GANC: variants seen among roughly 807,000 people sequenced by gnomAD.
GANC encodes neutral alpha-glucosidase C.
A neutral mutation model predicts 124.2 loss-of-function variants in GANC; 117 were observed. The observed-to-expected ratio is 0.94, with a 90% CI of 0.81 to 1.10. The LOEUF is 1.10. GANC is among the 50% of genes least tolerant of loss of function. The probability of loss-of-function intolerance (pLI) is 0.00; values close to 1 mark genes in which losing one functional copy is unlikely to be tolerated. For missense variants in GANC, 1,140 were observed against 1,095.0 expected, an observed-to-expected ratio of 1.04 and a Z score of -0.58; for synonymous variants, 377 against 376.8, an observed-to-expected ratio of 1.00 and a Z score of -0.01.
chr15:42,295,011 A>G (rs796380652), intron 5 of GANC, among the ~76,000 whole-genome samples: 23 of 135,840 alleles, frequency 1.7e-4, no homozygotes, highest in African/African-American at 6.8e-4. Context: ...TCGCTCTGTC[A>G]CCCAGGCTGG....
At chr15:42,286,085 G>A (rs1445344032) in intron 3 of GANC, among the ~76,000 whole-genome samples, 1 of 151,222 alleles carries the variant, frequency 6.6e-6, no homozygotes, top group African/African-American at 2.4e-5. Context: ...AATGTAAATT[G>A]TTAATCATAT....
intron 3 of GANC, among the ~76,000 whole-genome samples, chr15:42,279,344 A>G (rs374345040): frequency 2.0e-5 from 3 of 152,142 alleles, no homozygotes; most frequent in East Asian, 3.9e-4. Context: ...GCAAGGTACA[A>G]ATTCAGGGTA....
rs1303329651 is a variant in GANC, at chr15:42,273,369, C to A, written c.-1113C>A. 1.2e-6 allele frequency: 2 copies of A among 1,614,124 alleles called. No homozygotes were observed. Among genetic ancestry groups the A allele is most frequent in the Middle Eastern group, 1.6e-4 (1 of 6,062 alleles). On this transcript the variant is annotated 5_prime_UTR_variant, in exon 1 of 24. Transcript: ENST00000318010. ...CTCCCAGAAGCAGAAGAATGACAGG[C>A]AACACCTGAAGCCACGCAGCCGCCG...
At chr15:42,345,860 AC>A in intron 20 of GANC, 28 bp downstream of exon 20, 3 of 1,494,208 alleles carry the variant, frequency 2.0e-6, no homozygotes, top group Non-Finnish European at 2.8e-6. Flanking sequence ...TACTATTTTT[AC>A]CTATCATGCT....
intron 3 of GANC, among the ~76,000 whole-genome samples, chr15:42,279,370 A>G (rs2051708914): frequency 6.6e-6 from 1 of 152,228 alleles, no homozygotes; most frequent in Non-Finnish European, 1.5e-5. Flanking sequence ...AAATCTCAAA[A>G]TGCAGGTGGG....
Position 42,329,460 on chromosome 15 carries a change from C to G in GANC, c.1644+11C>G. 1 of 1,600,316 alleles carries G rather than the reference C, an allele frequency of 6.2e-7. No individual in the cohort carries two copies. The highest frequency in any genetic ancestry group is 1.3e-5 in the African/African-American group (1 of 74,324). ...TACGGTTTTTATCATGTAAGACATC[C>G]AAAAAGAATTAAACTGGGCTTGTGT... On this transcript the variant is annotated intron_variant, in intron 14 of 23. Coordinates refer to ENST00000318010, the MANE Select transcript of GANC (RefSeq NM_198141.3).
intron 12 of GANC, among the ~76,000 whole-genome samples, 175 bp downstream of exon 12, chr15:42,326,599 G>T (rs1389849803): frequency 6.6e-6 from 1 of 151,996 alleles, no homozygotes; most frequent in Non-Finnish European, 1.5e-5. Flanking sequence ...TATAATACCT[G>T]GTACTATATG....
At chr15:42,276,965 A>C (rs1468790686) in intron 2 of GANC, among the ~76,000 whole-genome samples, 2 of 152,020 alleles carry the variant, frequency 1.3e-5, no homozygotes, top group African/African-American at 2.4e-5. Context: ...CAGCTGCATA[A>C]TATTCCATGG....
At chr15:42,341,660 C>A (rs962362390) in intron 18 of GANC, among the ~76,000 whole-genome samples, 11 of 151,892 alleles carry the variant, frequency 7.2e-5, no homozygotes, top group African/African-American at 2.4e-4. Flanking sequence ...GCCTCCGGGG[C>A]TCAAGCAATC....
intron 15 of GANC, among the ~76,000 whole-genome samples, chr15:42,334,573 ATGTC>A (rs1377703013): frequency 1.3e-5 from 2 of 152,262 alleles, no homozygotes; most frequent in Non-Finnish European, 2.9e-5. Flanking sequence ...AAATTTAAAA[ATGTC>A]TGCCCTTTCA....
At chr15:42,281,482 G>A (rs551259929) in intron 3 of GANC, among the ~76,000 whole-genome samples, 1 of 152,238 alleles carries the variant, frequency 6.6e-6, no homozygotes, top group South Asian at 2.1e-4. Flanking sequence ...CCAGGAGTTT[G>A]AGACCAGCTA....
intron 11 of GANC, among the ~76,000 whole-genome samples, chr15:42,325,294 A>G (rs1016247551): frequency 2.4e-4 from 36 of 152,028 alleles, no homozygotes; most frequent in African/African-American, 8.5e-4. Flanking sequence ...AAAAAAAAAA[A>G]TTTAAGAAAA....
chr15:42,344,430 C>T (rs747587619), intron 19 of GANC, among the ~76,000 whole-genome samples: 5 of 152,182 alleles, frequency 3.3e-5, no homozygotes, highest in Non-Finnish European at 5.9e-5. Context: ...CTTATAAGGA[C>T]ACTTGTGGTC....
intron 22 of GANC, 22 bp from the exon 23 acceptor site, chr15:42,351,307 A>G (rs1376438643): frequency 2.5e-6 from 4 of 1,577,248 alleles, no homozygotes; most frequent in Non-Finnish European, 2.6e-6. Flanking sequence ...TCTCCTTTTA[A>G]TACTGTTTGT....
intron 4 of GANC, among the ~76,000 whole-genome samples, chr15:42,291,279 G>C (rs1046496868): frequency 7.2e-5 from 11 of 152,312 alleles, no homozygotes; most frequent in South Asian, 4.1e-4. Flanking sequence ...AGATAATGTA[G>C]ATTTGATATG....
At chr15:42,343,252 C>CA in intron 19 of GANC, 98 bp downstream of exon 19, 11 of 1,022,252 alleles carry the variant, frequency 1.1e-5, no homozygotes, top group Non-Finnish European at 1.7e-5. Flanking sequence ...TTTGTGAACA[C>CA]ACCCCAGATG....
intron 8 of GANC, among the ~76,000 whole-genome samples, chr15:42,308,713 C>G (rs1271746454): frequency 6.6e-6 from 1 of 152,176 alleles, no homozygotes; most frequent in Admixed American, 6.6e-5. Context: ...TCTTGAACTC[C>G]TGACCTTGTG....
chr15:42,273,645 C>G lies in GANC; in HGVS notation c.-837C>G, dbSNP rs549698332. ...GGTTAGAGAGATCGCTACATGCCAG[C>G]CTGGCCTGAGTCTTTTCTGTCTCCC... On this transcript the variant is annotated 5_prime_UTR_variant, in exon 1 of 24. Transcript: ENST00000318010. 1 of 562,102 alleles carries G rather than the reference C, an allele frequency of 1.8e-6. No individual in the cohort carries two copies. Among genetic ancestry groups the G allele is most frequent in the African/African-American group, 1.9e-5 (1 of 53,386 alleles). The allele number at this position is 562,102 out of a possible 1,614,324, so 34.8% of individuals were successfully genotyped here.
intron 20 of GANC, among the ~76,000 whole-genome samples, chr15:42,347,190 A>G (rs2052373318): frequency 8.1e-6 from 1 of 124,088 alleles, no homozygotes; most frequent in African/African-American, 3.2e-5. Context: ...AAAAAAAAAA[A>G]AGAAGAGAGA....
Sources: gnomAD v4.1 joint callset for allele counts (sites outside exome capture counted in the v4.1 genomes callset) on GRCh38, gnomAD v4.1.1 for gene constraint, MANE v1.5 for transcripts, NCBI Gene and HGNC (gene_info 2026-07-23, HGNC 2026-07-21) for gene names.